The following TAOK3 variants were observed in gnomAD, a reference collection of about 807,000 sequenced individuals.
TAOK3 encodes the protein TAO kinase 3, also known as serine/threonine-protein kinase TAO3.
Under a neutral mutation model 120.4 loss-of-function variants are expected in TAOK3, and 40 were observed. The ratio of observed to expected loss-of-function variants is 0.33; its 90% CI spans 0.26 to 0.43. TAOK3 has a LOEUF of 0.43. Among genes scored for constraint, TAOK3 ranks in the 20% least tolerant of loss-of-function variants. TAOK3 has a pLI of 1.00. For synonymous variants in TAOK3, 355 were observed against 387.5 expected (o/e 0.92, Z 0.99); for missense variants, 821 against 1,112.1 (o/e 0.74, Z 3.72).
At chr12:118,274,872 G>C (rs1347037019) in intron 1 of TAOK3, among the ~76,000 whole-genome samples, 46 of 151,542 alleles carry the variant, frequency 3.0e-4, no homozygotes, top group Admixed American at 3.0e-3. Flanking sequence ...GCCTCCCAAA[G>C]TGCTGGGATT....
At chr12:118,207,329 GA>G (rs200606908) in intron 11 of TAOK3, among the ~76,000 whole-genome samples, 4,325 of 104,858 alleles carry the variant, frequency 0.041, 203 homozygotes, top group East Asian at 0.23. Context: ...TCCGTCTCAG[GA>G]AAAAAAAAAA....
At chr12:118,277,019 C>T (rs546610674) in intron 1 of TAOK3, among the ~76,000 whole-genome samples, 1 of 152,296 alleles carries the variant, frequency 6.6e-6, no homozygotes, top group South Asian at 2.1e-4. Context: ...ACAAACAAAA[C>T]TGTAATAAAC....
intron 16 of TAOK3, among the ~76,000 whole-genome samples, chr12:118,174,376 CTT>C (rs766172789): frequency 8.3e-5 from 11 of 133,186 alleles, no homozygotes; most frequent in East Asian, 2.1e-4. Context: ...TGGCTTCTGG[CTT>C]TTTTTTTTTT....
chr12:118,301,809 T>A (rs148091719), intron 1 of TAOK3, among the ~76,000 whole-genome samples: 2,929 of 131,802 alleles, frequency 0.022, 102 homozygotes, highest in African/African-American at 0.082. Flanking sequence ...GCCACTGCAC[T>A]CCAGCCTGGG....
Position 118,236,445 on chromosome 12 carries a change from T to C in TAOK3, c.438-774A>G, listed in dbSNP as rs1212472996. On this transcript the variant is annotated intron_variant, in intron 7 of 20. Coordinates refer to ENST00000392533, the MANE Select transcript of TAOK3 (RefSeq NM_016281.4). ...AATTCAAAAAATTCATTTTTCATTATGGTAATTTAGAATGAGAAGGTGTGG... is the reference window on the plus strand; with the variant it reads ...AATTCAAAAAATTCATTTTTCATTACGGTAATTTAGAATGAGAAGGTGTGG... 2.0e-5 allele frequency: 3 copies of C among 152,158 alleles called. 1 individual carries two copies. The highest frequency in any genetic ancestry group is 6.6e-5 in the Admixed American group (1 of 15,266). The allele number at this position is 152,158 out of a possible 1,614,324, so 9.4% of individuals were successfully genotyped here. A position where few individuals can be genotyped will look rare whatever the true frequency, so the allele number is the denominator to read the frequency against.
chr12:118,172,393 C>A, intron 17 of TAOK3, 64 bp downstream of exon 17: 1 of 1,548,902 alleles, frequency 6.5e-7, no homozygotes, highest in South Asian at 1.1e-5. Flanking sequence ...CAGACATGGT[C>A]ACAAGCCTCA....
At chr12:118,182,623 A>ATATATATATATATATTT (rs371125415) in intron 14 of TAOK3, among the ~76,000 whole-genome samples, 1 of 92,416 alleles carries the variant, frequency 1.1e-5, no homozygotes, top group African/African-American at 4.9e-5. Context: ...ATATATATAT[A>ATATATATATATATATTT]TTTTTTTTTT....
intron 1 of TAOK3, among the ~76,000 whole-genome samples, chr12:118,293,778 C>T (rs998728951): frequency 6.6e-6 from 1 of 151,970 alleles, no homozygotes; most frequent in African/African-American, 2.4e-5. Context: ...CTTTGGGAGG[C>T]CGAGGCAGGC....
In TAOK3 at chr12:118,334,087, A is replaced by G. The variant is rs571464616; in HGVS notation, c.-194+38561T>C. Among the ~76,000 whole-genome samples the G allele has an allele frequency of 1.4e-4, 21 of 148,258 alleles. No individual in the cohort carries two copies. In the Admixed American group the frequency reaches 1.4e-3, roughly 10 times the overall value. ...AAGGCAGAGGTTGCAGTGAGCCGAGATTGCACCATTGCACTCCAGCCTGAG... is the reference window on the plus strand; with the variant it reads ...AAGGCAGAGGTTGCAGTGAGCCGAGGTTGCACCATTGCACTCCAGCCTGAG... On this transcript the variant is annotated intron_variant, in intron 1 of 20. Transcript: ENST00000392533.
intron 15 of TAOK3, among the ~76,000 whole-genome samples, chr12:118,179,207 C>A (rs1458283632): frequency 6.6e-6 from 1 of 152,088 alleles, no homozygotes; most frequent in Non-Finnish European, 1.5e-5. Flanking sequence ...CAGAGAGAGA[C>A]AGAGAGACCA....
chr12:118,177,689 C>T (rs1032355962), intron 15 of TAOK3, among the ~76,000 whole-genome samples: 4 of 151,708 alleles, frequency 2.6e-5, no homozygotes, highest in African/African-American at 9.7e-5. Context: ...TGGGCGTGGT[C>T]GTGCATGCCT....
At chr12:118,342,935 TAAA>T (rs760467619) in intron 1 of TAOK3, among the ~76,000 whole-genome samples, 148 of 59,668 alleles carry the variant, frequency 2.5e-3, no homozygotes, top group Admixed American at 2.6e-3. Flanking sequence ...CTCTGTCTGC[TAAA>T]AAAAAAAAAA....
intron 15 of TAOK3, among the ~76,000 whole-genome samples, chr12:118,179,197 CAG>C (rs1382198834): frequency 2.6e-5 from 4 of 152,072 alleles, no homozygotes; most frequent in Non-Finnish European, 2.9e-5. Context: ...CATGTGGAGA[CAG>C]AGAGAGACAG....
At chr12:118,215,499 G>A (rs1863207565) in intron 9 of TAOK3, among the ~76,000 whole-genome samples, 1 of 151,756 alleles carries the variant, frequency 6.6e-6, no homozygotes, top group Admixed American at 6.6e-5. Context: ...GTGACAGAGT[G>A]AGACTCTGTC....
In TAOK3 at chr12:118,184,288, T is replaced by A. The variant is rs568079565; in HGVS notation, c.1330-2681A>T. ...TTTATAATTCCATGCTCAAGCTGGA[T>A]AGATGAATTTAAATAAAAGTATAAC... On this transcript the variant is annotated intron_variant, in intron 14 of 20. Coordinates refer to ENST00000392533, the MANE Select transcript of TAOK3 (RefSeq NM_016281.4). Among the ~76,000 whole-genome samples, 7 of 152,262 alleles carry A rather than the reference T, an allele frequency of 4.6e-5. No homozygotes were observed. The South Asian group carries it at 6.2e-4, about 14-fold the overall frequency.
At chr12:118,305,643 G>GC (rs2043023394) in intron 1 of TAOK3, among the ~76,000 whole-genome samples, 1 of 151,986 alleles carries the variant, frequency 6.6e-6, no homozygotes, top group South Asian at 2.1e-4. Context: ...GGTGGCTCAC[G>GC]CCTGTAATCT....
At chr12:118,323,675 AAATATATT>A (rs2043813867) in intron 1 of TAOK3, among the ~76,000 whole-genome samples, 1 of 152,160 alleles carries the variant, frequency 6.6e-6, no homozygotes, top group African/African-American at 2.4e-5. Flanking sequence ...GACCTTATAT[AAATATATT>A]AAGTGGAAAA....
chr12:118,212,012 G>GT (rs2038658498), intron 11 of TAOK3, among the ~76,000 whole-genome samples: 1 of 152,164 alleles, frequency 6.6e-6, no homozygotes, highest in Non-Finnish European at 1.5e-5. Flanking sequence ...TCTTTGTCCT[G>GT]TTGCTTCTCT....
At chr12:118,230,699 G>C (rs925613358) in intron 9 of TAOK3, among the ~76,000 whole-genome samples, 8 of 151,902 alleles carry the variant, frequency 5.3e-5, no homozygotes, top group African/African-American at 1.9e-4. Context: ...TCGATCTCCT[G>C]ACCTCGTGAT....
Sources: allele counts gnomAD v4.1 joint callset (sites outside exome capture counted in the v4.1 genomes callset), GRCh38; gene constraint gnomAD v4.1.1; transcripts MANE v1.5; gene names NCBI Gene and HGNC (gene_info 2026-07-23, HGNC 2026-07-21).